CRACR2A: variants seen among roughly 807,000 people sequenced by gnomAD.
The protein encoded by CRACR2A is calcium release activated channel regulator 2A.
CRACR2A carries 79 observed loss-of-function variants against 90.5 expected under a neutral mutation model. The observed-to-expected ratio is 0.87, with a 90% CI of 0.73 to 1.05. The LOEUF is 1.05. CRACR2A is among the 50% of genes least tolerant of loss of function. CRACR2A has a pLI of 0.00. For synonymous variants in CRACR2A, 338 were observed against 356.7 expected (o/e 0.95, Z 0.59); for missense variants, 823 against 897.2 (o/e 0.92, Z 1.06).
Position 3,725,038 on chromosome 12 carries a change from C to T in CRACR2A, c.-118+7904G>A, listed in dbSNP as rs114235055. 3.7e-3 allele frequency among the ~76,000 whole-genome samples: 563 copies of T among 152,166 alleles called. 6 individuals carry two copies. The highest frequency in any genetic ancestry group is 9.3e-3 in the African/African-American group (387 of 41,508). ...GTTGGTTCTCCACAGAATCAGTGCC[C>T]GCTCCCCCTGGACAGTCGCTGTCCT... On this transcript the variant is annotated intron_variant, in intron 2 of 19. Transcript: ENST00000440314.
chr12:3,745,293 T>A (rs1483740088), intron 1 of CRACR2A, among the ~76,000 whole-genome samples: 1 of 152,132 alleles, frequency 6.6e-6, no homozygotes, highest in Non-Finnish European at 1.5e-5. Context: ...CCTGATGGTA[T>A]CTCCCCAATG....
chr12:3,748,855 C>G (rs931127543), intron 1 of CRACR2A, among the ~76,000 whole-genome samples: 1 of 152,308 alleles, frequency 6.6e-6, no homozygotes. Flanking sequence ...ATCCGGATGA[C>G]GTCATGCTAA....
At chr12:3,670,124 C>T (rs577070864) in intron 7 of CRACR2A, among the ~76,000 whole-genome samples, 1 of 152,308 alleles carries the variant, frequency 6.6e-6, no homozygotes, top group South Asian at 2.1e-4. Flanking sequence ...AACTCAGAGC[C>T]TGGCATGGAG....
chr12:3,705,675 T>G (rs765273663), intron 3 of CRACR2A, among the ~76,000 whole-genome samples: 2 of 152,156 alleles, frequency 1.3e-5, no homozygotes, highest in African/African-American at 4.8e-5. Flanking sequence ...GGCAAAGAGA[T>G]AGGTGGGTCT....
chr12:3,724,453 C>T (rs957209039), intron 2 of CRACR2A, among the ~76,000 whole-genome samples: 19 of 152,320 alleles, frequency 1.2e-4, no homozygotes, highest in African/African-American at 3.6e-4. Context: ...CCCCGCGAGA[C>T]GCCTCCCCAA....
chr12:3,702,403 AT>A (rs1158510332), intron 3 of CRACR2A, among the ~76,000 whole-genome samples: 2 of 152,232 alleles, frequency 1.3e-5, no homozygotes, highest in Non-Finnish European at 2.9e-5. Flanking sequence ...TATAAAAAAA[AT>A]CTGATGAAAT....
chr12:3,685,328 C>A, intron 4 of CRACR2A, among the ~76,000 whole-genome samples: 1 of 152,178 alleles, frequency 6.6e-6, no homozygotes, highest in East Asian at 1.9e-4. Flanking sequence ...TATGGTGTCT[C>A]CTCAAAAAAT....
chr12:3,617,313 T>G (rs73045254), intron 18 of CRACR2A, among the ~76,000 whole-genome samples: 8,497 of 152,242 alleles, frequency 0.056, 304 homozygotes, highest in Middle Eastern at 0.12. Context: ...CCCAAATTCC[T>G]CTCAAGTACA....
intron 17 of CRACR2A, 27 bp downstream of exon 17, chr12:3,627,409 A>G (rs752836701): frequency 4.6e-6 from 7 of 1,515,832 alleles, no homozygotes. Flanking sequence ...TCAAGCCTAA[A>G]TGCTCCTAGG....
intron 3 of CRACR2A, 56 bp from the exon 4 acceptor site, chr12:3,697,091 A>G: frequency 1.3e-6 from 2 of 1,495,482 alleles, no homozygotes; most frequent in Non-Finnish European, 1.8e-6. Flanking sequence ...GTGAGGCTGA[A>G]AAAGAACAAG....
intron 3 of CRACR2A, among the ~76,000 whole-genome samples, chr12:3,701,841 T>C (rs143733424): frequency 2.1e-3 from 319 of 152,240 alleles, no homozygotes; most frequent in African/African-American, 7.5e-3. Context: ...ATTACCCTGA[T>C]ACCAAAACTG....
chr12:3,629,729 T>C (rs1944344363), intron 15 of CRACR2A, among the ~76,000 whole-genome samples: 1 of 151,456 alleles, frequency 6.6e-6, no homozygotes, highest in Non-Finnish European at 1.5e-5. Flanking sequence ...GTGGTGAGCT[T>C]GGTGAGACTC....
chr12:3,720,579 T>G (rs369853448), intron 2 of CRACR2A, among the ~76,000 whole-genome samples: 57 of 152,366 alleles, frequency 3.7e-4, no homozygotes, highest in African/African-American at 1.3e-3. Flanking sequence ...TTCTACTGTG[T>G]TAATCCCTCA....
chr12:3,671,864 G>A (rs1945249543), intron 7 of CRACR2A, among the ~76,000 whole-genome samples: 1 of 152,186 alleles, frequency 6.6e-6, no homozygotes, highest in Non-Finnish European at 1.5e-5. Context: ...TCTGTGAGAT[G>A]GATACTGTCC....
chr12:3,680,235 T>C lies in CRACR2A; in HGVS notation c.340+3A>G. On this transcript the variant is annotated splice_donor_region_variant and intron_variant, in intron 5 of 19. Coordinates refer to ENST00000440314, the MANE Select transcript of CRACR2A (RefSeq NM_001144958.2). ...GAGGTCCCCAGCACCCATCAGAACT[T>C]ACTAAATCCAGTAGTGAACTCCTGT... 1 of 1,613,150 alleles carries C rather than the reference T, an allele frequency of 6.2e-7. No individual in the cohort carries two copies. Among genetic ancestry groups the C allele is most frequent in the Non-Finnish European group, 8.5e-7 (1 of 1,179,138 alleles).
intron 6 of CRACR2A, among the ~76,000 whole-genome samples, chr12:3,675,519 T>C (rs1488811947): frequency 3.9e-5 from 6 of 152,224 alleles, no homozygotes; most frequent in Non-Finnish European, 7.3e-5. Flanking sequence ...ATAATTAGTA[T>C]TGTTTTAAAA....
intron 15 of CRACR2A, among the ~76,000 whole-genome samples, chr12:3,631,863 T>A (rs1360955054): frequency 6.6e-6 from 1 of 152,162 alleles, no homozygotes; most frequent in African/African-American, 2.4e-5. Context: ...TCTGGACCAC[T>A]CAAAGTTGGT....
At chr12:3,729,299 T>A (rs1252817535) in intron 2 of CRACR2A, 1 of 152,206 alleles carries the variant, frequency 6.6e-6, no homozygotes, top group Non-Finnish European at 1.5e-5. Flanking sequence ...TATGTAGCCA[T>A]CTGGCCCATT....
intron 2 of CRACR2A, among the ~76,000 whole-genome samples, chr12:3,714,089 C>T (rs1946046969): frequency 6.6e-6 from 1 of 152,222 alleles, no homozygotes; most frequent in Non-Finnish European, 1.5e-5. Context: ...ACCAAGGAGG[C>T]TGGCCTCTGT....
Sources: gnomAD v4.1 joint callset for allele counts (sites outside exome capture counted in the v4.1 genomes callset) on GRCh38, gnomAD v4.1.1 for gene constraint, MANE v1.5 for transcripts, NCBI Gene and HGNC (gene_info 2026-07-23, HGNC 2026-07-21) for gene names.